Variants in RNF170 observed in about 807,000 individuals in gnomAD.
The protein encoded by RNF170 is ring finger protein 170, also known as E3 ubiquitin-protein ligase RNF170.
In RNF170, 12 loss-of-function variants were observed where a neutral mutation model predicts 32.7. The ratio of observed to expected loss-of-function variants is 0.37; its 90% confidence interval spans 0.24 to 0.60. RNF170 has a LOEUF of 0.60. Among genes scored for constraint, RNF170 ranks in the 20% least tolerant of loss-of-function variants. The pLI is 0.72. For missense variants in RNF170, 212 were observed against 311.2 expected (o/e 0.68, Z 2.40); for synonymous variants, 91 against 103.6 (o/e 0.88, Z 0.74).
At chr8:42,861,619 A>G (rs1426602605) in intron 6 of RNF170, 126 bp downstream of exon 6, 12 of 774,094 alleles carry the variant, frequency 1.6e-5, no homozygotes, top group Non-Finnish European at 2.2e-5. Flanking sequence ...CTAGGATTAT[A>G]GGCGTTAGCT....
At chr8:42,885,827 T>C (rs1474225900) in intron 2 of RNF170, among the ~76,000 whole-genome samples, 1 of 152,166 alleles carries the variant, frequency 6.6e-6, no homozygotes, top group Non-Finnish European at 1.5e-5. Context: ...GGTATGATCA[T>C]AGCTCACTGC....
At chr8:42,889,253 G>A (rs1181050760) in intron 1 of RNF170, 1 of 152,104 alleles carries the variant, frequency 6.6e-6, no homozygotes, top group African/African-American at 2.4e-5. Context: ...GAAAAGGGAG[G>A]ATAAGAAACT....
rs3739351 is a variant in RNF170 at position 42,854,443 on chromosome 8, C to A, written c.*1716G>T. The A allele has an allele frequency of 3.1e-4, 402 of 1,287,120 alleles. 5 individuals are homozygous for A. In the East Asian group the frequency reaches 0.018, roughly 59 times the overall value. 79.7% of individuals were successfully genotyped at this position (1,287,120 alleles called of 1,614,324 possible). ...CTATGAAAGGGAAGTTGGTGTCCTG[C>A]GTTCCTCACAAAATTATCCAAAGGA... is the stretch of plus-strand genomic sequence containing the variant. On this transcript the variant is annotated 3_prime_UTR_variant, in exon 7 of 7. Coordinates refer to ENST00000527424, the MANE Select transcript of RNF170 (RefSeq NM_030954.4).
rs200034170 is a variant in RNF170 at position 42,855,229 on chromosome 8, C to G, written c.*930G>C. 8 of 1,174,196 alleles carry G rather than the reference C, an allele frequency of 6.8e-6. No homozygotes were observed. Among genetic ancestry groups the G allele is most frequent in the Non-Finnish European group, 8.8e-6 (8 of 906,924 alleles). 72.7% of individuals were successfully genotyped at this position (1,174,196 alleles called of 1,614,324 possible). A position where few individuals can be genotyped will look rare whatever the true frequency, so the allele number is the denominator to read the frequency against. On this transcript the variant is annotated 3_prime_UTR_variant, in exon 7 of 7. Coordinates refer to ENST00000527424, the MANE Select transcript of RNF170 (RefSeq NM_030954.4). Reference sequence around the variant, plus strand: ...CTGACTGGAGATAAATGTTTTTCATCTTTTTTTTTTTTTTTTTTGAGAGGG... The same window carrying G: ...CTGACTGGAGATAAATGTTTTTCATGTTTTTTTTTTTTTTTTTTGAGAGGG...
At chr8:42,883,570 G>GAA (rs34475440) in intron 2 of RNF170, among the ~76,000 whole-genome samples, 99 of 43,724 alleles carry the variant, frequency 2.3e-3, no homozygotes, top group Admixed American at 2.6e-3. Flanking sequence ...CTCTGTCTCA[G>GAA]AAAAAAAAAA....
rs796798912 is a variant in RNF170, at chr8:42,896,498, G to A, written c.-22C>T. ...GCCGGACGTACCTCTCCACCGCGAA[G>A]GAACTACCTCGCCAGTTCCCGGCGA... On this transcript the variant is annotated 5_prime_UTR_variant, in exon 1 of 7. Transcript: ENST00000527424. The A allele has an allele frequency of 1.1e-5, 5 of 453,850 alleles. No individual in the cohort carries two copies. Among genetic ancestry groups the A allele is most frequent in the African/African-American group, 8.0e-5 (4 of 49,968 alleles). 28.1% of individuals were successfully genotyped at this position (453,850 alleles called of 1,614,324 possible).
intron 3 of RNF170, among the ~76,000 whole-genome samples, chr8:42,870,606 T>C (rs1399203507): frequency 6.6e-6 from 1 of 152,080 alleles, no homozygotes; most frequent in Admixed American, 6.6e-5. Flanking sequence ...GGCATGCGCC[T>C]GTAGTCCCAG....
At chr8:42,851,162 C>T (rs545080895), downstream of RNF170, among the ~76,000 whole-genome samples, 1 of 152,260 alleles carries the variant, frequency 6.6e-6, no homozygotes, top group South Asian at 2.1e-4. Context: ...GGCTCCTGGA[C>T]ACACAGAACT....
At chr8:42,879,155 C>T (rs1224081198) in intron 2 of RNF170, among the ~76,000 whole-genome samples, 1 of 152,156 alleles carries the variant, frequency 6.6e-6, no homozygotes, top group African/African-American at 2.4e-5. Context: ...TGGAGATGTA[C>T]AAGGAGATGA....
rs1213135532 is a variant in RNF170 at position 42,855,580 on chromosome 8, G to A, written c.*579C>T. ...AAACTAGAATATGATATCGAAGTAT[G>A]AAGTTCAAGTTTCTTCTTTCAGTTT... On this transcript the variant is annotated 3_prime_UTR_variant, in exon 7 of 7. Coordinates refer to ENST00000527424, the MANE Select transcript of RNF170 (RefSeq NM_030954.4). 19 of 1,274,496 alleles carry A rather than the reference G, an allele frequency of 1.5e-5. No homozygotes were observed. Among genetic ancestry groups the A allele is most frequent in the Non-Finnish European group, 1.9e-5 (19 of 977,094 alleles). 78.9% of individuals were successfully genotyped at this position (1,274,496 alleles called of 1,614,324 possible).
At chr8:42,892,093 C>T (rs2130194533) in intron 1 of RNF170, among the ~76,000 whole-genome samples, 1 of 152,324 alleles carries the variant, frequency 6.6e-6, no homozygotes, top group African/African-American at 2.4e-5. Flanking sequence ...ACCTAAGTGG[C>T]ATGACTGGCA....
chr8:42,879,264 T>C (rs1421362122), intron 2 of RNF170, among the ~76,000 whole-genome samples: 1 of 152,240 alleles, frequency 6.6e-6, no homozygotes, highest in African/African-American at 2.4e-5. Flanking sequence ...AAATACACTT[T>C]ATGTAGCTGC....
chr8:42,879,044 A>G (rs1205239885), intron 2 of RNF170, among the ~76,000 whole-genome samples: 1 of 152,232 alleles, frequency 6.6e-6, no homozygotes, highest in East Asian at 1.9e-4. Flanking sequence ...TTCTTTGAAA[A>G]TATTACTGCA....
chr8:42,850,670 T>C (rs1174337987), downstream of RNF170: 2 of 1,070,014 alleles, frequency 1.9e-6, no homozygotes, highest in African/African-American at 3.1e-5. Context: ...ATGATGATGC[T>C]GTGCTGAGAT....
intron 3 of RNF170, among the ~76,000 whole-genome samples, chr8:42,871,246 T>C (rs1804505089): frequency 6.6e-6 from 1 of 152,168 alleles, no homozygotes; most frequent in African/African-American, 2.4e-5. Context: ...TTTATGTTAT[T>C]GTATTGTAAA....
At chr8:42,880,239 G>A (rs933433562) in intron 2 of RNF170, among the ~76,000 whole-genome samples, 5 of 152,216 alleles carry the variant, frequency 3.3e-5, no homozygotes, top group Non-Finnish European at 5.9e-5. Flanking sequence ...TCTCAAGATA[G>A]AATCTAATCC....
At position 42,853,389 on chromosome 8, in the gene RNF170, A is replaced by T; in HGVS notation, c.*2770T>A. On this transcript the variant is annotated 3_prime_UTR_variant, in exon 7 of 7. Coordinates refer to ENST00000527424, the MANE Select transcript of RNF170 (RefSeq NM_030954.4). Reference sequence around the variant, plus strand: ...GTTTGAACCAAACCACCAGTCTTCTACAACAACTCTGTGAGGTAGGTATCT... The same window carrying T: ...GTTTGAACCAAACCACCAGTCTTCTTCAACAACTCTGTGAGGTAGGTATCT... 7.8e-7 allele frequency: 1 copy of T among 1,285,306 alleles called. No homozygotes were observed. Among genetic ancestry groups the T allele is most frequent in the Non-Finnish European group, 1.0e-6 (1 of 987,644 alleles). 79.6% of individuals were successfully genotyped at this position (1,285,306 alleles called of 1,614,324 possible).
At chr8:42,874,780 A>C (rs1321992893) in intron 2 of RNF170, among the ~76,000 whole-genome samples, 1 of 151,976 alleles carries the variant, frequency 6.6e-6, no homozygotes. Flanking sequence ...AAACCTTAAC[A>C]TGTCACTAAT....
intron 6 of RNF170, among the ~76,000 whole-genome samples, chr8:42,858,762 G>A (rs562895410): frequency 2.6e-5 from 4 of 152,324 alleles, no homozygotes; most frequent in Admixed American, 2.6e-4. Context: ...AGGAGTTTGT[G>A]TGTGTGCTGA....
Sources: gnomAD v4.1 joint callset for allele counts (sites outside exome capture counted in the v4.1 genomes callset) on GRCh38, gnomAD v4.1.1 for gene constraint, MANE v1.5 for transcripts, NCBI Gene and HGNC (gene_info 2026-07-23, HGNC 2026-07-21) for gene names.